RASEF: variants seen among roughly 807,000 people sequenced by gnomAD.
RASEF encodes RAS and EF-hand domain containing, also known as ras and EF-hand domain-containing protein.
In RASEF, 68 loss-of-function variants were observed where a neutral mutation model predicts 90.1. That is an observed-to-expected ratio of 0.75 (90% confidence interval 0.62 to 0.92). The LOEUF is 0.92. Among genes scored for constraint, RASEF ranks in the 40% least tolerant of loss-of-function variants. RASEF has a pLI of 0.00. For missense variants in RASEF, 949 were observed against 937.2 expected (o/e 1.01, Z -0.16); for synonymous variants, 331 against 345.2 (o/e 0.96, Z 0.46).
chr9:83,197,088 G>T, the RASEF span, among the ~76,000 whole-genome samples: 3 of 152,228 alleles, frequency 2.0e-5, no homozygotes, highest in East Asian at 5.8e-4. Context: ...TCCTTGGAAG[G>T]CTATGCTCTC....
At chr9:83,060,136 G>A (rs1830179758) in intron 1 of RASEF, among the ~76,000 whole-genome samples, 1 of 152,076 alleles carries the variant, frequency 6.6e-6, no homozygotes, top group South Asian at 2.1e-4. Flanking sequence ...TAGCCCTGGG[G>A]CAGACTGTCC....
At chr9:82,990,189 T>C (rs1828786921) in intron 16 of RASEF, among the ~76,000 whole-genome samples, 1 of 152,210 alleles carries the variant, frequency 6.6e-6, no homozygotes, top group South Asian at 2.1e-4. Context: ...TGCACCTCTT[T>C]TGTTTGGTAG....
At chr9:83,104,577 C>T in the RASEF span, among the ~76,000 whole-genome samples, 1 of 152,084 alleles carries the variant, frequency 6.6e-6, no homozygotes, top group East Asian at 1.9e-4. Flanking sequence ...CATAAATATA[C>T]GTGGTGGTAT....
In RASEF at chr9:83,015,812, A is replaced by G. The variant is rs755625261; in HGVS notation, c.758T>C (p.Leu253Pro). The G allele has an allele frequency of 2.4e-5, 38 of 1,612,742 alleles. No individual in the cohort carries two copies. Among genetic ancestry groups the G allele is most frequent in the Non-Finnish European group, 3.1e-5 (36 of 1,178,854 alleles). ...CAGCTGCCACATGCCTACCTTTCTTAGCTTTTTAATGGTCACCTGCAGATC... is the reference window on the plus strand; with the variant it reads ...CAGCTGCCACATGCCTACCTTTCTTGGCTTTTTAATGGTCACCTGCAGATC... ...VGDLQVTIKK[L>P]RKLEEQSKRV... The change falls in exon 4 of 17, where the codon CTA becomes CCA. Residue 253 changes from leucine to proline, a missense_variant. Physicochemically the swap from Leu to Pro is moderately conservative, Grantham distance 98 (BLOSUM62 -3). This residue lies in a region of RASEF where 656 missense variants were observed against 592.2 expected (regional missense o/e 1.11). Coordinates refer to ENST00000376447, the MANE Select transcript of RASEF (RefSeq NM_152573.4).
At chr9:83,137,434 T>C in the RASEF span, among the ~76,000 whole-genome samples, 1 of 152,292 alleles carries the variant, frequency 6.6e-6, no homozygotes, top group Middle Eastern at 3.4e-3. Flanking sequence ...TTGTGAAATA[T>C]CTGTATTAAA....
intron 6 of RASEF, among the ~76,000 whole-genome samples, 200 bp downstream of exon 6, chr9:83,009,441 C>T (rs1829198880): frequency 6.6e-6 from 1 of 152,094 alleles, no homozygotes; most frequent in Non-Finnish European, 1.5e-5. Context: ...CCAAAACAGA[C>T]AATAATTATT....
rs781020206 is a variant in RASEF at position 83,025,935 on chromosome 9, A to C, written c.432-14T>G. 6.4e-7 allele frequency: 1 copy of C among 1,554,698 alleles called. No individual in the cohort carries two copies. On this transcript the variant is annotated splice_polypyrimidine_tract_variant and intron_variant, in intron 1 of 16. Transcript: ENST00000376447. The stretch of plus-strand genomic sequence containing the variant: ...ACTTGCTCTTCTCTGCCAAATAAAT[A>C]AATAAAAATTAAACCAATTATAAAA...
the RASEF span, among the ~76,000 whole-genome samples, chr9:83,200,334 T>C: frequency 9.9e-5 from 15 of 151,612 alleles, no homozygotes; most frequent in South Asian, 3.1e-3. Flanking sequence ...GGGCGGAGGG[T>C]GCAGTGAGCC....
the RASEF span, among the ~76,000 whole-genome samples, chr9:83,203,642 A>G: frequency 6.6e-6 from 1 of 152,214 alleles, no homozygotes; most frequent in African/African-American, 2.4e-5. Context: ...AAAATAGGTA[A>G]GTAGACCAGG....
chr9:82,989,614 A>G (rs1828775191), intron 16 of RASEF, among the ~76,000 whole-genome samples: 1 of 152,334 alleles, frequency 6.6e-6, no homozygotes, highest in African/African-American at 2.4e-5. Flanking sequence ...TACTAAAATT[A>G]AGATTCTTAT....
the RASEF span, among the ~76,000 whole-genome samples, chr9:83,100,238 G>C: frequency 6.6e-6 from 1 of 152,118 alleles, no homozygotes; most frequent in South Asian, 2.1e-4. Flanking sequence ...CTTCTTTCAA[G>C]TATATGACAT....
At position 83,049,404 on chromosome 9, in the gene RASEF, A is replaced by G. The variant is rs114932217; in HGVS notation, c.431+13033T>C. 4 of 879,334 alleles carry G rather than the reference A, an allele frequency of 4.5e-6. No individual in the cohort carries two copies. In the African/African-American group the frequency reaches 7.3e-5, roughly 16 times the overall value. The allele number at this position is 879,334 out of a possible 1,614,324, so 54.5% of individuals were successfully genotyped here. On this transcript the variant is annotated intron_variant, in intron 1 of 16. Transcript: ENST00000376447. Reference sequence around the variant, plus strand: ...ACATGGCTATCTTGAACACATTTCTATGATCAAAAGCCCATTCTCCCATCA... The same window carrying G: ...ACATGGCTATCTTGAACACATTTCTGTGATCAAAAGCCCATTCTCCCATCA...
intron 1 of RASEF, among the ~76,000 whole-genome samples, chr9:83,037,175 C>A (rs1829757030): frequency 6.6e-6 from 1 of 152,208 alleles, no homozygotes; most frequent in East Asian, 1.9e-4. Context: ...ATTAATTCTG[C>A]ACAAATTTTT....
At chr9:83,093,464 G>A in the RASEF span, among the ~76,000 whole-genome samples, 3 of 152,236 alleles carry the variant, frequency 2.0e-5, no homozygotes, top group Admixed American at 1.3e-4. Flanking sequence ...CTAAGGCCTG[G>A]TGAGAAATCA....
the RASEF span, among the ~76,000 whole-genome samples, chr9:83,207,093 T>G: frequency 6.6e-6 from 1 of 152,098 alleles, no homozygotes; most frequent in Non-Finnish European, 1.5e-5. Flanking sequence ...CACATGGAAA[T>G]AGCAGAAATA....
At chr9:83,202,562 G>C in the RASEF span, among the ~76,000 whole-genome samples, 19 of 152,118 alleles carry the variant, frequency 1.2e-4, no homozygotes, top group Admixed American at 1.2e-3. Flanking sequence ...TGCAGATTCA[G>C]CCTCTCAGAT....
chr9:83,108,322 T>G, the RASEF span, among the ~76,000 whole-genome samples: 3 of 152,174 alleles, frequency 2.0e-5, no homozygotes, highest in African/African-American at 7.2e-5. Flanking sequence ...TGTACTTACT[T>G]GAGCACTTAA....
At chr9:83,006,871 A>G (rs888756213) in intron 7 of RASEF, among the ~76,000 whole-genome samples, 2 of 152,040 alleles carry the variant, frequency 1.3e-5, no homozygotes, top group Non-Finnish European at 2.9e-5. Flanking sequence ...AGGCGGGAGG[A>G]TCACAAAGTC....
chr9:83,088,921 A>C, the RASEF span, among the ~76,000 whole-genome samples: 1 of 151,990 alleles, frequency 6.6e-6, no homozygotes, highest in Non-Finnish European at 1.5e-5. Flanking sequence ...CATTTAAGTT[A>C]ATTACTGATA....
Sources: gnomAD v4.1 joint callset for allele counts (sites outside exome capture counted in the v4.1 genomes callset) on GRCh38, gnomAD v4.1.1 for gene constraint, gnomAD v4.1.1 regional missense constraint, MANE v1.5 for transcripts, NCBI Gene and HGNC (gene_info 2026-07-23, HGNC 2026-07-21) for gene names.